The following HLCS variants were observed in gnomAD, a reference collection of about 807,000 sequenced individuals.
HLCS encodes the protein holocarboxylase synthetase.
A neutral mutation model predicts 75.0 loss-of-function variants in HLCS; 53 were observed. The observed-to-expected ratio is 0.71, with a 90% CI of 0.57 to 0.89. The LOEUF (loss-of-function observed/expected upper bound fraction) is 0.89, where lower values mean the gene tolerates loss of function less well. HLCS is among the 40% of genes least tolerant of loss of function. The pLI is 0.00. For missense variants in HLCS, 966 were observed against 1,074.0 expected (o/e 0.90, Z 1.41); for synonymous variants, 431 against 428.6 (o/e 1.01, Z -0.07).
chr21:36,870,635 A>C (rs1048642038), intron 6 of HLCS, among the ~76,000 whole-genome samples: 2 of 152,214 alleles, frequency 1.3e-5, no homozygotes, highest in Admixed American at 6.5e-5. Context: ...TCATAGTTAC[A>C]AGTTTCCCTT....
At chr21:36,837,373 G>A (rs935281155) in intron 6 of HLCS, among the ~76,000 whole-genome samples, 3 of 152,042 alleles carry the variant, frequency 2.0e-5, no homozygotes, top group Admixed American at 1.3e-4. Context: ...CTGCTAATAG[G>A]CAACTCGAAA....
chr21:36,976,474 C>T (rs1211367224), intron 1 of HLCS, among the ~76,000 whole-genome samples: 2 of 152,058 alleles, frequency 1.3e-5, no homozygotes, highest in Non-Finnish European at 2.9e-5. Flanking sequence ...ATCCCAGCTA[C>T]TCGGGAGGCT....
chr21:36,873,103 T>C (rs2063827423), intron 6 of HLCS, among the ~76,000 whole-genome samples: 1 of 152,070 alleles, frequency 6.6e-6, no homozygotes, highest in Admixed American at 6.6e-5. Context: ...ACACTTATTA[T>C]ACTGCTGGCA....
chr21:36,880,954 T>TTTGTTTG lies in HLCS; in HGVS notation c.1892+15905_1892+15906insCAAACAA, dbSNP rs2064184257. On this transcript the variant is annotated intron_variant, in intron 6 of 10. Coordinates refer to ENST00000674895, the MANE Select transcript of HLCS (RefSeq NM_001352514.2). ...GTTGGAAGCGATGCCAGCAGAGAGT[T>TTTGTTTG]TTTGTTTGTTTGTTTGTTTGTTTGT... Among the ~76,000 whole-genome samples, 15 of 150,210 alleles carry TTTGTTTG rather than the reference T, an allele frequency of 1.0e-4. No homozygotes were observed. In the South Asian group the frequency reaches 3.0e-3, roughly 30 times the overall value.
intron 6 of HLCS, among the ~76,000 whole-genome samples, chr21:36,892,421 T>C (rs926228177): frequency 4.6e-5 from 7 of 152,206 alleles, no homozygotes; most frequent in African/African-American, 1.7e-4. Context: ...TGATTTCTAC[T>C]ACAGCAGTGT....
At chr21:36,807,537 GCC>G (rs2061395478) in intron 6 of HLCS, among the ~76,000 whole-genome samples, 1 of 152,080 alleles carries the variant, frequency 6.6e-6, no homozygotes, top group Non-Finnish European at 1.5e-5. Flanking sequence ...CTGATGATCC[GCC>G]CACTGCCTGG....
chr21:36,858,315 T>G (rs1486595861), intron 6 of HLCS, among the ~76,000 whole-genome samples: 1 of 152,160 alleles, frequency 6.6e-6, no homozygotes, highest in Non-Finnish European at 1.5e-5. Context: ...GACAGATAAT[T>G]CCACAATGAG....
chr21:36,984,633 G>A (rs2069192394), intron 1 of HLCS, among the ~76,000 whole-genome samples: 1 of 152,186 alleles, frequency 6.6e-6, no homozygotes, highest in Non-Finnish European at 1.5e-5. Flanking sequence ...ACAGAGAGTG[G>A]AATAACAGGC....
intron 6 of HLCS, among the ~76,000 whole-genome samples, chr21:36,886,980 A>T (rs1174206884): frequency 6.6e-6 from 1 of 152,110 alleles, no homozygotes. Context: ...TACAAAAAAA[A>T]TTAGCTGGGT....
Position 36,756,549 on chromosome 21 carries a change from C to T in HLCS, c.2443G>A (p.Val815Ile), listed in dbSNP as rs144116568. The T allele has an allele frequency of 7.4e-5, 120 of 1,611,436 alleles. No individual in the cohort carries two copies. Among genetic ancestry groups the T allele is most frequent in the Non-Finnish European group, 1.0e-4 (120 of 1,178,582 alleles). Residue 815 changes from valine (V) to isoleucine (I), a missense_variant, in exon 10 of 11, where the codon GTC becomes ATC. Physicochemically the swap from Val to Ile is conservative, Grantham distance 29. Transcript: ENST00000674895. ...SVLPLYYRYW[V>I]HSGQQVHLGS... ...AGATGAGCCAGCACTGACCTGTGGA[C>T]CCAGTATCGGTAATAAAGGGGAAGG... is the stretch of plus-strand genomic sequence containing the variant.
In HLCS at chr21:36,966,314, C is replaced by T. The variant is rs578100159; in HGVS notation, c.195+130G>A. 35 of 293,906 alleles carry T rather than the reference C, an allele frequency of 1.2e-4. No individual in the cohort carries two copies. In the South Asian group the frequency reaches 4.2e-3, roughly 36 times the overall value. 18.2% of individuals were successfully genotyped at this position (293,906 alleles called of 1,614,324 possible). On this transcript the variant is annotated intron_variant, in intron 1 of 10. Coordinates refer to ENST00000674895, the MANE Select transcript of HLCS (RefSeq NM_001352514.2). The stretch of plus-strand genomic sequence containing the variant: ...CCCGGGGCAACAGCCCCTCCCGGGC[C>T]GCACAGGCCGCACTGAGGGCGCCAC...
chr21:36,935,472 C>T (rs1252279697), intron 4 of HLCS, among the ~76,000 whole-genome samples: 1 of 152,046 alleles, frequency 6.6e-6, no homozygotes, highest in Non-Finnish European at 1.5e-5. Flanking sequence ...TGGAAAAAGA[C>T]AAGGCATTAC....
At chr21:36,793,831 T>C (rs2060946700) in intron 6 of HLCS, among the ~76,000 whole-genome samples, 1 of 152,220 alleles carries the variant, frequency 6.6e-6, no homozygotes, top group South Asian at 2.1e-4. Context: ...GGTGCAATAT[T>C]GTCCCTTTAC....
chr21:36,841,686 T>C (rs1360772925), intron 6 of HLCS, among the ~76,000 whole-genome samples: 1 of 152,220 alleles, frequency 6.6e-6, no homozygotes, highest in Non-Finnish European at 1.5e-5. Context: ...CAACGTACGA[T>C]TCTTGTGAAC....
intron 6 of HLCS, among the ~76,000 whole-genome samples, chr21:36,805,484 C>T (rs989037112): frequency 6.6e-6 from 1 of 152,208 alleles, no homozygotes; most frequent in African/African-American, 2.4e-5. Flanking sequence ...CCTGATTGAA[C>T]GTGGCTGCTA....
At position 36,966,523 on chromosome 21, in the gene HLCS, CAGA is replaced by C. The variant is rs931607074; in HGVS notation, c.113_115del (p.Phe38del). The C allele has an allele frequency of 2.1e-5, 21 of 989,364 alleles. No individual in the cohort carries two copies. In the East Asian group the frequency reaches 4.5e-4, roughly 21 times the overall value. The allele number at this position is 989,364 out of a possible 1,614,324, so 61.3% of individuals were successfully genotyped here. On this transcript the variant is annotated inframe_deletion, in exon 1 of 11. Transcript: ENST00000674895. The stretch of plus-strand genomic sequence containing the variant: ...GCCCGGGGGCTGCGCGGCCGCGCCG[CAGA>C]AGGTGAAGGAACAGCGCGAGGCACG...
intron 5 of HLCS, among the ~76,000 whole-genome samples, chr21:36,908,875 TA>T (rs748991472): frequency 2.0e-5 from 3 of 152,126 alleles, no homozygotes; most frequent in Non-Finnish European, 4.4e-5. Flanking sequence ...GCTCCAGGCT[TA>T]GGGGTGGATG....
rs1299934881 is a variant in HLCS at position 36,791,344 on chromosome 21, TC to T, written c.1893-24060del. Among the ~76,000 whole-genome samples the T allele has an allele frequency of 2.0e-5, 3 of 152,180 alleles. No individual in the cohort carries two copies. The East Asian group carries it at 5.8e-4, about 29-fold the overall frequency. On this transcript the variant is annotated intron_variant, in intron 6 of 10. Transcript: ENST00000674895. ...CGGTGACTGTTCAGTGAGACCGCTT[TC>T]AGCATTTGCGAGAAGCTGCTCACCA...
In HLCS at chr21:36,901,417, T is replaced by G. The variant is rs182396482; in HGVS notation, c.1621-4286A>C. Among the ~76,000 whole-genome samples the G allele has an allele frequency of 2.2e-3, 339 of 151,830 alleles. 1 individual carries two copies. The highest frequency in any genetic ancestry group is 7.9e-3 in the African/African-American group (325 of 41,394). ...AAGAGGATAAGATCCATGAAAAGAG[T>G]GACTGTAGTTAAAAAGAGGATGCAA... On this transcript the variant is annotated intron_variant, in intron 5 of 10. Transcript: ENST00000674895.
Sources: gnomAD v4.1 joint callset for allele counts (sites outside exome capture counted in the v4.1 genomes callset) on GRCh38, gnomAD v4.1.1 for gene constraint, MANE v1.5 for transcripts, NCBI Gene and HGNC (gene_info 2026-07-23, HGNC 2026-07-21) for gene names.